Variants in ZBTB7C observed in about 807,000 individuals in gnomAD.
ZBTB7C encodes zinc finger and BTB domain-containing protein 7C.
ZBTB7C carries 8 observed loss-of-function variants against 25.7 expected under a neutral mutation model. The observed-to-expected ratio is 0.31, with a 90% CI of 0.18 to 0.56. The LOEUF (loss-of-function observed/expected upper bound fraction) is 0.56. Among genes scored for constraint, ZBTB7C ranks in the 20% least tolerant of loss-of-function variants. ZBTB7C has a pLI of 0.91. For missense variants in ZBTB7C, 824 were observed against 855.2 expected, an observed-to-expected ratio of 0.96 and a Z score of 0.46; for synonymous variants, 394 against 369.0, an observed-to-expected ratio of 1.07 and a Z score of -0.78.
intron 2 of ZBTB7C, among the ~76,000 whole-genome samples, chr18:48,326,794 CAG>C (rs2046230963): frequency 6.6e-6 from 1 of 152,146 alleles, no homozygotes; most frequent in Non-Finnish European, 1.5e-5. Flanking sequence ...ATGGGGACAA[CAG>C]GGGCAGGGAT....
At chr18:48,237,662 A>AT (rs1276273951) in intron 2 of ZBTB7C, among the ~76,000 whole-genome samples, 15 of 151,990 alleles carry the variant, frequency 9.9e-5, no homozygotes, top group Non-Finnish European at 1.5e-5. Context: ...ACTTTGCAAA[A>AT]AAAAAAAGCA....
rs191309895 is a variant in ZBTB7C at position 48,033,980 on chromosome 18, G to C, written c.1209-4069C>G. Reference sequence around the variant, plus strand: ...CATGAGTGTATGCATCTGGGTAATGGGCTTCTGCCAAATCTCCTTCTGGAG... The same window carrying C: ...CATGAGTGTATGCATCTGGGTAATGCGCTTCTGCCAAATCTCCTTCTGGAG... On this transcript the variant is annotated intron_variant, in intron 4 of 4. Transcript: ENST00000590800. Among the ~76,000 whole-genome samples the C allele has an allele frequency of 7.2e-5, 11 of 152,254 alleles. No individual in the cohort carries two copies. The East Asian group carries it at 1.9e-3, about 27-fold the overall frequency.
At chr18:48,157,501 T>G (rs934426582) in intron 3 of ZBTB7C, among the ~76,000 whole-genome samples, 5 of 152,144 alleles carry the variant, frequency 3.3e-5, no homozygotes, top group African/African-American at 1.2e-4. Flanking sequence ...AAGTGACCAC[T>G]CGACAGTTAA....
chr18:48,273,797 C>T (rs1405137791), intron 2 of ZBTB7C, among the ~76,000 whole-genome samples: 1 of 151,920 alleles, frequency 6.6e-6, no homozygotes, highest in Non-Finnish European at 1.5e-5. Flanking sequence ...AAAAATATTA[C>T]CCACAAGAAA....
chr18:48,059,433 C>A (rs2037043046), intron 3 of ZBTB7C, among the ~76,000 whole-genome samples: 1 of 152,142 alleles, frequency 6.6e-6, no homozygotes. Flanking sequence ...GCAGACAACT[C>A]ACACACAGAA....
intron 3 of ZBTB7C, among the ~76,000 whole-genome samples, chr18:48,061,640 A>T (rs1363610576): frequency 1.3e-5 from 2 of 152,220 alleles, no homozygotes; most frequent in Non-Finnish European, 2.9e-5. Flanking sequence ...ATCATTACGG[A>T]ATCACCCAGG....
At chr18:48,272,376 C>A (rs1403281704) in intron 2 of ZBTB7C, among the ~76,000 whole-genome samples, 1 of 152,176 alleles carries the variant, frequency 6.6e-6, no homozygotes, top group African/African-American at 2.4e-5. Flanking sequence ...GAGACTTATA[C>A]CCTTGGATCC....
intron 1 of ZBTB7C, among the ~76,000 whole-genome samples, chr18:48,348,022 T>G (rs1478712933): frequency 6.6e-6 from 1 of 152,142 alleles, no homozygotes; most frequent in Admixed American, 6.5e-5. Context: ...ATGGTAGCAA[T>G]GACATGAGCC....
chr18:48,140,312 G>A (rs574077609), intron 3 of ZBTB7C, among the ~76,000 whole-genome samples: 1 of 152,370 alleles, frequency 6.6e-6, no homozygotes, highest in South Asian at 2.1e-4. Flanking sequence ...GATCTGCAAA[G>A]AGTATACTAA....
chr18:48,218,215 C>T (rs1165540750), intron 2 of ZBTB7C, among the ~76,000 whole-genome samples: 1 of 152,200 alleles, frequency 6.6e-6, no homozygotes, highest in Admixed American at 6.5e-5. Flanking sequence ...TCACCCCAGG[C>T]CTGCACAGTC....
At chr18:48,313,504 C>T (rs2045871686) in intron 2 of ZBTB7C, among the ~76,000 whole-genome samples, 1 of 152,230 alleles carries the variant, frequency 6.6e-6, no homozygotes, top group Admixed American at 6.5e-5. Flanking sequence ...CCTGCAATCA[C>T]TGCTCTAGTT....
chr18:48,188,654 C>T (rs1314871328), intron 2 of ZBTB7C, among the ~76,000 whole-genome samples: 2 of 152,166 alleles, frequency 1.3e-5, no homozygotes, highest in Non-Finnish European at 2.9e-5. Flanking sequence ...ACAGGATTCT[C>T]CTATTCCCAC....
At chr18:48,367,175 TTATATATATA>T (rs71165321) in intron 1 of ZBTB7C, among the ~76,000 whole-genome samples, 3,271 of 62,270 alleles carry the variant, frequency 0.053, 252 homozygotes, top group Admixed American at 0.17. Context: ...TCCCCAAGTT[TTATATATATA>T]TATATATATA....
intron 3 of ZBTB7C, among the ~76,000 whole-genome samples, chr18:48,074,725 C>G (rs572604940): frequency 6.6e-6 from 1 of 152,320 alleles, no homozygotes; most frequent in East Asian, 1.9e-4. Flanking sequence ...AAGTAAGGGC[C>G]TCTTCTCAAA....
At chr18:48,170,906 C>T (rs1316289488) in intron 3 of ZBTB7C, among the ~76,000 whole-genome samples, 4 of 152,124 alleles carry the variant, frequency 2.6e-5, no homozygotes, top group East Asian at 1.9e-4. Context: ...GTGGTGCCTT[C>T]GCCAGGACTA....
intron 2 of ZBTB7C, among the ~76,000 whole-genome samples, chr18:48,245,022 T>C (rs1568327048): frequency 2.0e-5 from 3 of 149,568 alleles, no homozygotes; most frequent in South Asian, 4.2e-4. Flanking sequence ...CAATTCACAA[T>C]TGCAAAAATA....
intron 1 of ZBTB7C, chr18:48,350,495 C>T (rs1713267546): frequency 1.3e-5 from 2 of 152,180 alleles, no homozygotes; most frequent in Admixed American, 1.3e-4. Context: ...GTATCTATAA[C>T]CTTAATCCCA....
At chr18:48,166,047 A>T (rs1568271293) in intron 3 of ZBTB7C, among the ~76,000 whole-genome samples, 1 of 151,868 alleles carries the variant, frequency 6.6e-6, no homozygotes, top group Non-Finnish European at 1.5e-5. Context: ...TAGGAGAATA[A>T]TTTTTTTTTA....
At chr18:48,391,181 C>T (rs539275055) in intron 1 of ZBTB7C, among the ~76,000 whole-genome samples, 17 of 152,298 alleles carry the variant, frequency 1.1e-4, no homozygotes, top group Middle Eastern at 3.4e-3. Context: ...CGCCATGTGA[C>T]GCAGCAGCCT....
Sources: allele counts gnomAD v4.1 joint callset (sites outside exome capture counted in the v4.1 genomes callset), GRCh38; gene constraint gnomAD v4.1.1; transcripts MANE v1.5; gene names NCBI Gene and HGNC (gene_info 2026-07-23, HGNC 2026-07-21).